The following DNMT3A variants were observed in gnomAD, a reference collection of about 807,000 sequenced individuals.
DNMT3A encodes the protein DNA (cytosine-5)-methyltransferase 3A.
DNMT3A carries 267 observed loss-of-function variants against 117.6 expected under a neutral mutation model. The observed-to-expected ratio is 2.27, with a 90% CI of 2.05 to 2.51. The LOEUF is 2.51. Among genes scored for constraint, DNMT3A ranks in the 30% most tolerant of loss-of-function variants. The pLI, the probability that DNMT3A is intolerant of heterozygous loss-of-function variation, is 0.00. For synonymous variants in DNMT3A, 432 were observed against 474.8 expected (o/e 0.91, Z 1.17); for missense variants, 1,029 against 1,260.2 (o/e 0.82, Z 2.78).
intron 1 of DNMT3A, among the ~76,000 whole-genome samples, chr2:25,320,742 T>C (rs2034559192): frequency 6.6e-6 from 1 of 152,132 alleles, no homozygotes; most frequent in Non-Finnish European, 1.5e-5. Context: ...TGTGTGTAGG[T>C]TTAACAAATA....
At chr2:25,295,290 C>T (rs186835261) in intron 3 of DNMT3A, among the ~76,000 whole-genome samples, 424 of 152,364 alleles carry the variant, frequency 2.8e-3, no homozygotes, top group Non-Finnish European at 5.1e-3. Flanking sequence ...CACTGGCCAG[C>T]CCGCAGGCCC....
chr2:25,277,479 C>T (rs1415415067), intron 4 of DNMT3A, among the ~76,000 whole-genome samples: 1 of 152,080 alleles, frequency 6.6e-6, no homozygotes, highest in Non-Finnish European at 1.5e-5. Flanking sequence ...GGCGGGGCTC[C>T]GGGGCTCGCG....
intron 21 of DNMT3A, 127 bp from the exon 22 acceptor site, chr2:25,235,952 G>A: frequency 1.2e-6 from 1 of 842,292 alleles, no homozygotes. Context: ...AGGGGGCTGG[G>A]TATGGCTCTG....
chr2:25,320,970 A>G (rs1573493367), intron 1 of DNMT3A, among the ~76,000 whole-genome samples: 1 of 152,158 alleles, frequency 6.6e-6, no homozygotes, highest in South Asian at 2.1e-4. Context: ...CGTCTCTACT[A>G]AAAATACAAA....
intron 2 of DNMT3A, among the ~76,000 whole-genome samples, chr2:25,313,617 C>T (rs1257230891): frequency 2.6e-5 from 4 of 152,232 alleles, no homozygotes; most frequent in African/African-American, 9.6e-5. Context: ...TTCTGGGACT[C>T]TCTGTGAGGC....
intron 3 of DNMT3A, among the ~76,000 whole-genome samples, chr2:25,292,555 T>C (rs1278355705): frequency 6.6e-6 from 1 of 152,114 alleles, no homozygotes; most frequent in Non-Finnish European, 1.5e-5. Flanking sequence ...ATGGGTGTCC[T>C]CCCTCTGCCC....
intron 16 of DNMT3A, among the ~76,000 whole-genome samples, chr2:25,242,469 C>T (rs1182529914): frequency 1.3e-5 from 2 of 152,212 alleles, no homozygotes; most frequent in Admixed American, 1.3e-4. Context: ...GGAGCTTTTA[C>T]AGCCTCCTGG....
chr2:25,277,526 G>C (rs972276907), intron 4 of DNMT3A, among the ~76,000 whole-genome samples: 9 of 152,188 alleles, frequency 5.9e-5, no homozygotes, highest in Non-Finnish European at 7.4e-5. Context: ...CCTGCGGCTA[G>C]GGCGGGGAGT....
intron 6 of DNMT3A, among the ~76,000 whole-genome samples, chr2:25,273,862 T>G (rs1461578772): frequency 1.3e-5 from 2 of 152,188 alleles, no homozygotes; most frequent in African/African-American, 4.8e-5. Context: ...CAGACACCGC[T>G]CTGTACTGCT....
chr2:25,256,136 C>G (rs1676103354), intron 6 of DNMT3A, among the ~76,000 whole-genome samples: 1 of 152,126 alleles, frequency 6.6e-6, no homozygotes, highest in Non-Finnish European at 1.5e-5. Flanking sequence ...GTATTCCCAC[C>G]AACCCCAAGA....
In DNMT3A at chr2:25,246,659, A is replaced by T. The variant is rs1195155939; in HGVS notation, c.1240T>A (p.Phe414Ile). 1.9e-6 allele frequency: 3 copies of T among 1,613,238 alleles called. No individual in the cohort carries two copies. The highest frequency in any genetic ancestry group is 1.3e-5 in the African/African-American group (1 of 74,914). The change falls in exon 10 of 23, where the codon TTC becomes ATC. Residue 414 changes from phenylalanine (F) to isoleucine (I), a missense_variant. Coordinates refer to ENST00000321117, the MANE Select transcript of DNMT3A (RefSeq NM_022552.5). ...KPMIEWALGG[F>I]QPSGPKGLEP... is the part of the protein sequence containing the mutation. ...AGGCCCTTAGGGCCAGAAGGCTGGAAGCCCCCCAGGGCCCATTCAATCATG... is the reference window on the plus strand; with the variant it reads ...AGGCCCTTAGGGCCAGAAGGCTGGATGCCCCCCAGGGCCCATTCAATCATG...
rs1420635765 is a variant in DNMT3A, at chr2:25,268,029, G to A, written c.639+6912C>T. The stretch of plus-strand genomic sequence containing the variant: ...GTATTTGAACTTGCCTCCAAAGGTC[G>A]CAGTAAACAGCAGCCAACCCTTAAG... On this transcript the variant is annotated intron_variant, in intron 6 of 22. Transcript: ENST00000321117. 6.6e-5 allele frequency among the ~76,000 whole-genome samples: 10 copies of A among 152,226 alleles called. No individual in the cohort carries two copies. In the South Asian group the frequency reaches 1.0e-3, roughly 16 times the overall value.
In DNMT3A at chr2:25,229,190, C is replaced by G. The variant is rs1395986569; in HGVS notation, c.*5089G>C. ...AGACCCTGGCCTGCCTTTACCAAAA[C>G]GTAAAGATTCCAGAGCTCACACTAC... On this transcript the variant is annotated 3_prime_UTR_variant, in exon 23 of 23. Coordinates refer to ENST00000321117, the MANE Select transcript of DNMT3A (RefSeq NM_022552.5). 6.6e-6 allele frequency: 1 copy of G among 152,312 alleles called. No homozygotes were observed. The highest frequency in any genetic ancestry group is 1.5e-5 in the Non-Finnish European group (1 of 68,082). 9.4% of individuals were successfully genotyped at this position (152,312 alleles called of 1,614,324 possible).
intron 1 of DNMT3A, among the ~76,000 whole-genome samples, chr2:25,315,855 G>A (rs1388257203): frequency 3.3e-5 from 5 of 152,214 alleles, no homozygotes; most frequent in Admixed American, 1.3e-4. Flanking sequence ...CTCCCCATTT[G>A]TTACCACAGA....
chr2:25,278,001 T>TCACACACA (rs71397475), intron 4 of DNMT3A, among the ~76,000 whole-genome samples: 1,522 of 90,522 alleles, frequency 0.017, 24 homozygotes, highest in Middle Eastern at 0.037. Context: ...ACTTGAGTGA[T>TCACACACA]CACACACACA....
intron 2 of DNMT3A, among the ~76,000 whole-genome samples, chr2:25,309,423 G>A (rs1320811131): frequency 6.6e-6 from 1 of 152,222 alleles, no homozygotes; most frequent in Non-Finnish European, 1.5e-5. Flanking sequence ...CGCAGGTGGT[G>A]TGTGCAGTTC....
intron 3 of DNMT3A, among the ~76,000 whole-genome samples, chr2:25,292,274 C>T (rs996416628): frequency 1.3e-5 from 2 of 151,990 alleles, no homozygotes; most frequent in Admixed American, 1.3e-4. Flanking sequence ...TGTTTGAACC[C>T]GGGAGGCAAA....
intron 2 of DNMT3A, among the ~76,000 whole-genome samples, chr2:25,300,753 ATATATATATATATAT>A (rs2033457354): frequency 3.2e-5 from 2 of 62,374 alleles, no homozygotes; most frequent in Non-Finnish European, 5.7e-5. Context: ...ATATATATAT[ATATATATATATATAT>A]AAATAATACA....
chr2:25,303,680 C>T (rs2033637046), intron 2 of DNMT3A, among the ~76,000 whole-genome samples: 1 of 152,262 alleles, frequency 6.6e-6, no homozygotes, highest in Non-Finnish European at 1.5e-5. Flanking sequence ...GGCCCTTCCC[C>T]TTGACATTTG....
Sources: allele counts gnomAD v4.1 joint callset (sites outside exome capture counted in the v4.1 genomes callset), GRCh38; gene constraint gnomAD v4.1.1; transcripts MANE v1.5; gene names NCBI Gene and HGNC (gene_info 2026-07-23, HGNC 2026-07-21).